The following TMTC2 variants were observed in gnomAD, a reference collection of about 807,000 sequenced individuals.
The protein encoded by TMTC2 is transmembrane O-mannosyltransferase targeting cadherins 2, also known as protein O-mannosyl-transferase TMTC2.
TMTC2 carries 43 observed loss-of-function variants against 82.4 expected under a neutral mutation model. The observed-to-expected ratio is 0.52, with a 90% CI of 0.41 to 0.67. The LOEUF is 0.67. TMTC2 is among the 30% of genes least tolerant of loss of function. The pLI is 0.00. For synonymous variants in TMTC2, 408 were observed against 381.9 expected (o/e 1.07, Z -0.80); for missense variants, 919 against 1,012.4 (o/e 0.91, Z 1.25).
rs147785145 is a variant in TMTC2 at position 82,776,468 on chromosome 12, C to T, written c.84-80542C>T. 2.6e-5 allele frequency among the ~76,000 whole-genome samples: 4 copies of T among 152,126 alleles called. No individual in the cohort carries two copies. In the East Asian group the frequency reaches 5.8e-4, roughly 22 times the overall value. Reference sequence around the variant, plus strand: ...CTGGGTAAATGAGTATCATACTAAACAAGCTTTAAAAGGTATACTTGGTCA... The same window carrying T: ...CTGGGTAAATGAGTATCATACTAAATAAGCTTTAAAAGGTATACTTGGTCA... On this transcript the variant is annotated intron_variant, in intron 1 of 11. Transcript: ENST00000321196.
intron 1 of TMTC2, among the ~76,000 whole-genome samples, chr12:82,739,836 A>G (rs1362337395): frequency 1.3e-5 from 2 of 150,058 alleles, no homozygotes; most frequent in Non-Finnish European, 1.5e-5. Context: ...TTAGAGGAAA[A>G]CAGAGTATTC....
intron 1 of TMTC2, among the ~76,000 whole-genome samples, chr12:82,824,597 T>G (rs1869301919): frequency 6.6e-6 from 1 of 152,194 alleles, no homozygotes; most frequent in African/African-American, 2.4e-5. Context: ...ATACAGAAGT[T>G]AATAGGAATT....
At chr12:83,000,842 G>A (rs892952886) in intron 8 of TMTC2, among the ~76,000 whole-genome samples, 1 of 152,178 alleles carries the variant, frequency 6.6e-6, no homozygotes, top group South Asian at 2.1e-4. Context: ...AAATCTAGGT[G>A]GAGGTTCCCA....
rs10862577 is a variant in TMTC2, at chr12:83,077,901, T to C, written c.2331+16070T>C. 2.4e-3 allele frequency among the ~76,000 whole-genome samples: 342 copies of C among 141,156 alleles called. 1 individual carries two copies. The highest frequency in any genetic ancestry group is 3.0e-3 in the East Asian group (15 of 5,008). 92.6% of individuals were successfully genotyped at this position (141,156 alleles called of 152,430 possible). Reference sequence around the variant, plus strand: ...CTGTCTTTTTTTTTTTTTTTTTTTTTTTTTAACAGGGGCCTCAGCCAAAGA... The same window carrying C: ...CTGTCTTTTTTTTTTTTTTTTTTTTCTTTTAACAGGGGCCTCAGCCAAAGA... On this transcript the variant is annotated intron_variant, in intron 11 of 11. Coordinates refer to ENST00000321196, the MANE Select transcript of TMTC2 (RefSeq NM_152588.3).
In TMTC2 at chr12:82,797,898, CT is replaced by C. The variant is rs956687074; in HGVS notation, c.84-59106del. On this transcript the variant is annotated intron_variant, in intron 1 of 11. Coordinates refer to ENST00000321196, the MANE Select transcript of TMTC2 (RefSeq NM_152588.3). ...TGTTTACAGAGCAGGTATTGTTCTG[CT>C]TTTTTAGAGTAGTAATTTTTAATAT... Among the ~76,000 whole-genome samples the C allele has an allele frequency of 4.0e-4, 59 of 148,632 alleles. 1 individual carries two copies. Among genetic ancestry groups the C allele is most frequent in the Non-Finnish European group, 2.4e-4 (16 of 67,122 alleles).
At chr12:82,812,956 G>C (rs1868480916) in intron 1 of TMTC2, among the ~76,000 whole-genome samples, 1 of 151,956 alleles carries the variant, frequency 6.6e-6, no homozygotes, top group Non-Finnish European at 1.5e-5. Flanking sequence ...ATGTAATTTA[G>C]TTATTTGCCG....
At chr12:82,939,736 G>A (rs1206500631) in intron 4 of TMTC2, among the ~76,000 whole-genome samples, 1 of 152,008 alleles carries the variant, frequency 6.6e-6, no homozygotes, top group East Asian at 1.9e-4. Context: ...GGTAACCCCT[G>A]TCAAGATCAA....
At chr12:82,972,924 C>T (rs1472855512) in intron 7 of TMTC2, among the ~76,000 whole-genome samples, 1 of 151,974 alleles carries the variant, frequency 6.6e-6, no homozygotes, top group Admixed American at 6.6e-5. Context: ...CACCTTGTTT[C>T]GGAATATATT....
chr12:82,862,541 T>C (rs1026202267), intron 2 of TMTC2, among the ~76,000 whole-genome samples: 11 of 152,242 alleles, frequency 7.2e-5, no homozygotes, highest in Non-Finnish European at 1.2e-4. Flanking sequence ...ACCTTGGTTT[T>C]GCTAAAGTTT....
chr12:83,095,239 T>G (rs555495466), intron 11 of TMTC2, among the ~76,000 whole-genome samples: 7,968 of 148,816 alleles, frequency 0.054, 318 homozygotes, highest in East Asian at 0.21. Flanking sequence ...TGTTTTTTTT[T>G]TTGTTTTTTT....
At chr12:82,714,094 G>A (rs910565112) in intron 1 of TMTC2, among the ~76,000 whole-genome samples, 1 of 152,212 alleles carries the variant, frequency 6.6e-6, no homozygotes, top group Non-Finnish European at 1.5e-5. Flanking sequence ...TTAGAAAGTG[G>A]TGGGATATTG....
chr12:82,901,310 C>CT lies in TMTC2; in HGVS notation c.1483+4676dup, dbSNP rs1275831506. The stretch of plus-strand genomic sequence containing the variant: ...TATATATATATATATATTTTTTTTT[C>CT]TTTTTTTTTTTTGAGACAGATTCTC... On this transcript the variant is annotated intron_variant, in intron 3 of 11. Transcript: ENST00000321196. 1.8e-3 allele frequency among the ~76,000 whole-genome samples: 181 copies of CT among 99,598 alleles called. 13 individuals carry two copies. The highest frequency in any genetic ancestry group is 5.9e-3 in the African/African-American group (150 of 25,604). 65.3% of individuals were successfully genotyped at this position (99,598 alleles called of 152,430 possible).
chr12:83,095,630 G>C (rs1179679637), intron 11 of TMTC2, among the ~76,000 whole-genome samples: 1 of 152,148 alleles, frequency 6.6e-6, no homozygotes, highest in African/African-American at 2.4e-5. Flanking sequence ...TGTTGAGTGA[G>C]TGAAAGAATG....
chr12:82,871,111 C>A (rs923009127), intron 2 of TMTC2, among the ~76,000 whole-genome samples: 12 of 152,290 alleles, frequency 7.9e-5, no homozygotes, highest in Middle Eastern at 6.8e-3. Context: ...TGTGTGCTAG[C>A]AATGTGTCTT....
chr12:83,012,116 C>T (rs1880490037), intron 8 of TMTC2, among the ~76,000 whole-genome samples: 1 of 152,114 alleles, frequency 6.6e-6, no homozygotes, highest in South Asian at 2.1e-4. Context: ...TTATTATTAA[C>T]TATTATCATG....
chr12:82,742,996 C>T (rs1483729418), intron 1 of TMTC2, among the ~76,000 whole-genome samples: 1 of 150,672 alleles, frequency 6.6e-6, no homozygotes, highest in Non-Finnish European at 1.5e-5. Flanking sequence ...TTGTGTTTAT[C>T]TTATTTGCTG....
chr12:83,063,246 G>A (rs1592723636), intron 11 of TMTC2, among the ~76,000 whole-genome samples: 1 of 151,440 alleles, frequency 6.6e-6, no homozygotes, highest in Non-Finnish European at 1.5e-5. Flanking sequence ...CTACCACAGG[G>A]GAGAAGGGAG....
chr12:82,755,475 AT>A lies in TMTC2; in HGVS notation c.83+67808del, dbSNP rs11339700. 2.0e-3 allele frequency among the ~76,000 whole-genome samples: 302 copies of A among 152,342 alleles called. 1 individual carries two copies. Among genetic ancestry groups the A allele is most frequent in the African/African-American group, 6.8e-3 (282 of 41,580 alleles). ...AATTAATCAAAATTGTTCAAATGAA[AT>A]TCAGTTCCTGGCATTTTTGTTGAAA... On this transcript the variant is annotated intron_variant, in intron 1 of 11. Coordinates refer to ENST00000321196, the MANE Select transcript of TMTC2 (RefSeq NM_152588.3).
At chr12:82,912,793 C>G (rs1479090723) in intron 3 of TMTC2, among the ~76,000 whole-genome samples, 1 of 151,974 alleles carries the variant, frequency 6.6e-6, no homozygotes, top group African/African-American at 2.4e-5. Context: ...CAAAAAATAG[C>G]TGAGTGTGGT....
Sources: allele counts gnomAD v4.1 joint callset (sites outside exome capture counted in the v4.1 genomes callset), GRCh38; gene constraint gnomAD v4.1.1; transcripts MANE v1.5; gene names NCBI Gene and HGNC (gene_info 2026-07-23, HGNC 2026-07-21).